RBBP7: variants seen among roughly 807,000 people sequenced by gnomAD.
The protein encoded by RBBP7 is RB binding protein 7, chromatin remodeling factor.
In RBBP7, 5 loss-of-function variants were observed where a neutral mutation model predicts 35.2. The observed-to-expected ratio is 0.14, with a 90% CI of 0.07 to 0.30. RBBP7 has a LOEUF of 0.30. Ranked by LOEUF, RBBP7 falls within the 10% of genes least tolerant of loss-of-function variation. The pLI is 1.00. For synonymous variants in RBBP7, 140 were observed against 118.7 expected, an observed-to-expected ratio of 1.18 and a Z score of -1.17; for missense variants, 155 against 327.5, an observed-to-expected ratio of 0.47 and a Z score of 4.07.
chrX:16,852,943 G>T (rs1930246007), intron 6 of RBBP7, 68 bp from the exon 7 acceptor site: 2 of 1,196,333 alleles, frequency 1.7e-6, no homozygotes, highest in Admixed American at 4.4e-5. Flanking sequence ...TCACATCACT[G>T]TCACTGCACT....
At position 16,852,103 on chromosome X, in the gene RBBP7, T is replaced by C; in HGVS notation, c.983A>G (p.Asn328Ser). 5 of 1,201,748 alleles carry C rather than the reference T, an allele frequency of 4.2e-6. No homozygotes were observed. The highest frequency in any genetic ancestry group is 5.6e-6 in the Non-Finnish European group (5 of 886,309). Reference protein sequence around the residue: ...EIFQVHWSPHNETILASSGTD... With the variant: ...EIFQVHWSPHSETILASSGTD... ...ACCACTTGAAGCCAGAATAGTTTCATTATGTGGAGACCAGTGGACCTAGTA... is the reference window on the plus strand; with the variant it reads ...ACCACTTGAAGCCAGAATAGTTTCACTATGTGGAGACCAGTGGACCTAGTA... The change falls in exon 9 of 12, where the codon AAT becomes AGT. Residue 328 changes from asparagine to serine, a missense_variant. Asn to Ser is a conservative substitution (Grantham distance 46). Coordinates refer to ENST00000380087, the MANE Select transcript of RBBP7 (RefSeq NM_002893.4).
chrX:16,868,445 C>G (rs1160299630), intron 2 of RBBP7, among the ~76,000 whole-genome samples: 2 of 112,072 alleles, frequency 1.8e-5, no homozygotes, highest in Admixed American at 1.9e-4. Flanking sequence ...AGGATTACAA[C>G]AAACAACAGG....
At chrX:16,849,181 T>TA in intron 10 of RBBP7, 63 bp downstream of exon 10, 2 of 1,073,917 alleles carry the variant, frequency 1.9e-6, no homozygotes, top group Non-Finnish European at 2.5e-6. Context: ...ATTCTCGAAA[T>TA]AAAGAGATCA....
At chrX:16,845,338 A>G (rs1401587241) in intron 11 of RBBP7, among the ~76,000 whole-genome samples, 2 of 112,383 alleles carry the variant, frequency 1.8e-5, no homozygotes, top group Non-Finnish European at 1.9e-5. Flanking sequence ...ATCACTGTTC[A>G]TAAGAGATGT....
At position 16,849,226 on chromosome X, in the gene RBBP7, C is replaced by T; in HGVS notation, c.1098+18G>A. The T allele has an allele frequency of 8.3e-7, 1 of 1,202,697 alleles. No homozygotes were observed. Among genetic ancestry groups the T allele is most frequent in the Non-Finnish European group, 1.1e-6 (1 of 888,231 alleles). ...CAATCTGCATATGACATTTCATCTT[C>T]TATAAGCCAATGCGTACCAGGAGTT... On this transcript the variant is annotated intron_variant, in intron 10 of 11. Transcript: ENST00000380087.
At chrX:16,849,429 T>C (rs905696052) in intron 9 of RBBP7, 128 bp from the exon 10 acceptor site, 60 of 558,184 alleles carry the variant, frequency 1.1e-4, no homozygotes, top group Non-Finnish European at 1.5e-4. Context: ...CTTATTTCTA[T>C]ACTACAATCA....
chrX:16,869,900 G>C, intron 1 of RBBP7, 138 bp downstream of exon 1: 1 of 782,434 alleles, frequency 1.3e-6, no homozygotes. Context: ...GGCCCCTCGA[G>C]GCGCGCGCCC....
intron 10 of RBBP7, chrX:16,848,598 CAG>C (rs778640032): frequency 1.8e-5 from 2 of 112,148 alleles, no homozygotes; most frequent in African/African-American, 3.2e-5. Context: ...TCGTAAATGA[CAG>C]AGTGATGAGT....
rs1246898584 is a variant in RBBP7 at position 16,869,977 on chromosome X, G to A, written c.16+61C>T. On this transcript the variant is annotated intron_variant, in intron 1 of 11. Coordinates refer to ENST00000380087, the MANE Select transcript of RBBP7 (RefSeq NM_002893.4). ...CGCGCCTTTCGCCGGCGCGTGCCGC[G>A]GCCTCGCGCGCCCGCCGCCCCCCGC... The A allele has an allele frequency of 6.7e-6, 5 of 750,550 alleles. No individual in the cohort carries two copies. The East Asian group carries it at 4.6e-4, about 69-fold the overall frequency. The allele number at this position is 750,550 out of a possible 1,213,427, so 61.9% of individuals were successfully genotyped here. A position where few individuals can be genotyped will look rare whatever the true frequency, so the allele number is the denominator to read the frequency against.
rs371669750 is a variant in RBBP7, at chrX:16,870,080, C to T, written c.-27G>A. On this transcript the variant is annotated 5_prime_UTR_variant, in exon 1 of 12. Transcript: ENST00000380087. The stretch of plus-strand genomic sequence containing the variant: ...TTGCGTCGGGTCGTTCGCCCCTCGC[C>T]GCCGCCTCGGACTCCTCTCGTTAGC... 9.2e-7 allele frequency: 1 copy of T among 1,087,804 alleles called. No homozygotes were observed. Among genetic ancestry groups the T allele is most frequent in the Non-Finnish European group, 1.2e-6 (1 of 825,000 alleles). 89.6% of individuals were successfully genotyped at this position (1,087,804 alleles called of 1,213,427 possible).
intron 10 of RBBP7, 101 bp from the exon 11 acceptor site, chrX:16,846,039 G>A: frequency 9.1e-7 from 1 of 1,102,332 alleles, no homozygotes; most frequent in East Asian, 3.3e-5. Flanking sequence ...TCAACTGGGG[G>A]TGGGTGCTGT....
intron 9 of RBBP7, among the ~76,000 whole-genome samples, chrX:16,851,577 C>G (rs1179440876): frequency 8.9e-6 from 1 of 111,800 alleles, no homozygotes; most frequent in African/African-American, 3.3e-5. Context: ...CTGTCCTTGT[C>G]CCCTTCACAA....
At chrX:16,865,063 CAAA>C (rs34381419) in intron 2 of RBBP7, among the ~76,000 whole-genome samples, 2 of 24,553 alleles carry the variant, frequency 8.1e-5, no homozygotes, top group Middle Eastern at 0.028. Flanking sequence ...GACCCTGTCT[CAAA>C]AAAAAAAAAA....
chrX:16,859,834 C>T (rs1203502025), intron 3 of RBBP7, among the ~76,000 whole-genome samples: 1 of 111,417 alleles, frequency 9.0e-6, no homozygotes, highest in Admixed American at 9.5e-5. Context: ...AAGGAGCAAA[C>T]CATTTCTCAG....
intron 1 of RBBP7, chrX:16,869,490 G>A (rs1216246066): frequency 2.6e-6 from 3 of 1,166,058 alleles, no homozygotes; most frequent in Admixed American, 2.6e-5. Flanking sequence ...ACAGCTGTTC[G>A]CACCTGTTCT....
chrX:16,868,716 A>G (rs982945733), intron 2 of RBBP7, among the ~76,000 whole-genome samples: 1 of 112,646 alleles, frequency 8.9e-6, no homozygotes, highest in Non-Finnish European at 1.9e-5. Flanking sequence ...CAAGCCATAC[A>G]ACACTTAAGA....
At chrX:16,857,285 A>C (rs776274897) in intron 5 of RBBP7, among the ~76,000 whole-genome samples, 3 of 111,862 alleles carry the variant, frequency 2.7e-5, no homozygotes, top group African/African-American at 6.5e-5. Context: ...AAAATACTTT[A>C]TATTAATCAG....
chrX:16,858,659 ACT>A lies in RBBP7; in HGVS notation c.481+15_481+16del. 2 of 1,203,694 alleles carry A rather than the reference ACT, an allele frequency of 1.7e-6. No individual in the cohort carries two copies. The highest frequency in any genetic ancestry group is 1.7e-5 in the African/African-American group (1 of 57,491). On this transcript the variant is annotated intron_variant, in intron 4 of 11. Coordinates refer to ENST00000380087, the MANE Select transcript of RBBP7 (RefSeq NM_002893.4). ...AGAAAACTGCTCAAGTAATGACCTA[ACT>A]CTATTATTACATACCTGGTTTAGCA...
chrX:16,859,515 G>A (rs1028642775), intron 3 of RBBP7, among the ~76,000 whole-genome samples: 1 of 112,036 alleles, frequency 8.9e-6, no homozygotes, highest in African/African-American at 3.2e-5. Context: ...TAAAAAGTAC[G>A]GTAACTTCCA....
Sources: allele counts gnomAD v4.1 joint callset (sites outside exome capture counted in the v4.1 genomes callset), GRCh38; gene constraint gnomAD v4.1.1; transcripts MANE v1.5; gene names NCBI Gene and HGNC (gene_info 2026-07-23, HGNC 2026-07-21).